The following TNR variants were observed in gnomAD, a reference collection of about 807,000 sequenced individuals.
TNR encodes tenascin R.
A neutral mutation model predicts 150.4 loss-of-function variants in TNR; 45 were observed. The observed-to-expected ratio is 0.30, with a 90% CI of 0.24 to 0.38. The LOEUF is 0.38. Among genes scored for constraint, TNR ranks in the 10% least tolerant of loss-of-function variants. TNR has a pLI of 1.00. For synonymous variants in TNR, 687 were observed against 678.4 expected, an observed-to-expected ratio of 1.01 and a Z score of -0.20; for missense variants, 1,544 against 1,759.1, an observed-to-expected ratio of 0.88 and a Z score of 2.19.
At chr1:175,463,133 GT>G (rs1046307690) in intron 2 of TNR, among the ~76,000 whole-genome samples, 37 of 152,116 alleles carry the variant, frequency 2.4e-4, no homozygotes, top group Admixed American at 1.6e-3. Context: ...TTCTATATCT[GT>G]TTTTACCCAC....
intron 1 of TNR, among the ~76,000 whole-genome samples, chr1:175,652,813 T>C (rs1261391685): frequency 6.6e-6 from 1 of 152,206 alleles, no homozygotes; most frequent in Non-Finnish European, 1.5e-5. Context: ...CTCAGGTAGT[T>C]CTTTATAGCA....
At chr1:175,533,621 C>G (rs890421841) in intron 1 of TNR, among the ~76,000 whole-genome samples, 6 of 152,156 alleles carry the variant, frequency 3.9e-5, no homozygotes, top group African/African-American at 1.4e-4. Flanking sequence ...AGTGGAGGTG[C>G]TGGTGTCTGG....
At chr1:175,424,325 G>C (rs1270587174) in intron 2 of TNR, among the ~76,000 whole-genome samples, 3 of 152,178 alleles carry the variant, frequency 2.0e-5, no homozygotes, top group African/African-American at 7.2e-5. Flanking sequence ...GCCTGGCCTG[G>C]CCAGGCAGTG....
intron 1 of TNR, among the ~76,000 whole-genome samples, chr1:175,590,284 A>T (rs2101837254): frequency 6.6e-6 from 1 of 152,342 alleles, no homozygotes; most frequent in South Asian, 2.1e-4. Flanking sequence ...TTAAATTTCT[A>T]AAAATGATAA....
chr1:175,662,872 T>C (rs1383068912), intron 1 of TNR, among the ~76,000 whole-genome samples: 1 of 152,196 alleles, frequency 6.6e-6, no homozygotes, highest in Non-Finnish European at 1.5e-5. Flanking sequence ...TGAACACTTA[T>C]AGTGCCTCAA....
intron 1 of TNR, among the ~76,000 whole-genome samples, chr1:175,700,310 A>G (rs1227150690): frequency 6.6e-6 from 1 of 152,156 alleles, no homozygotes; most frequent in Admixed American, 6.5e-5. Flanking sequence ...CCCATGGTCA[A>G]TTATGCTGCC....
intron 5 of TNR, among the ~76,000 whole-genome samples, chr1:175,395,824 A>G (rs1653400438): frequency 6.6e-6 from 1 of 152,190 alleles, no homozygotes; most frequent in Admixed American, 6.5e-5. Flanking sequence ...GTAATCTTTT[A>G]TATTTTTCTA....
chr1:175,452,550 C>A (rs1004709205), intron 2 of TNR, among the ~76,000 whole-genome samples: 4 of 152,200 alleles, frequency 2.6e-5, no homozygotes, highest in African/African-American at 9.6e-5. Context: ...CCCTCCCAGG[C>A]CATGCTTTGG....
chr1:175,519,267 A>G (rs1381193606), intron 2 of TNR, among the ~76,000 whole-genome samples: 1 of 152,254 alleles, frequency 6.6e-6, no homozygotes, highest in Non-Finnish European at 1.5e-5. Context: ...ACTGCAGTGC[A>G]TACCGGCATT....
chr1:175,527,918 T>C (rs1228797820), intron 2 of TNR, among the ~76,000 whole-genome samples: 4 of 152,212 alleles, frequency 2.6e-5, no homozygotes, highest in African/African-American at 7.2e-5. Context: ...GAATAATTTA[T>C]CACTGATTCA....
chr1:175,742,338 A>G (rs1667953906), intron 1 of TNR, among the ~76,000 whole-genome samples: 1 of 152,198 alleles, frequency 6.6e-6, no homozygotes, highest in African/African-American at 2.4e-5. Flanking sequence ...GTTTCTGCTC[A>G]CCCTAGACAT....
intron 2 of TNR, among the ~76,000 whole-genome samples, chr1:175,475,681 T>G (rs1333293051): frequency 6.6e-6 from 1 of 152,228 alleles, no homozygotes; most frequent in Non-Finnish European, 1.5e-5. Flanking sequence ...TATGTTCATC[T>G]TTCAAAATCC....
chr1:175,649,240 T>C (rs540295062), intron 1 of TNR, among the ~76,000 whole-genome samples: 12 of 152,306 alleles, frequency 7.9e-5, no homozygotes, highest in African/African-American at 2.6e-4. Flanking sequence ...TGATCTGCTG[T>C]TCCTTCTGCC....
chr1:175,445,194 T>G (rs1655987045), intron 2 of TNR, among the ~76,000 whole-genome samples: 1 of 152,026 alleles, frequency 6.6e-6, no homozygotes, highest in East Asian at 1.9e-4. Flanking sequence ...AGAGTGAACC[T>G]GGGAGGCGGA....
At chr1:175,740,459 G>T (rs150746652) in intron 1 of TNR, among the ~76,000 whole-genome samples, 1 of 151,950 alleles carries the variant, frequency 6.6e-6, no homozygotes, top group East Asian at 1.9e-4. Context: ...TAATAATGGC[G>T]CTTTCCAGGT....
chr1:175,343,006 G>T (rs1349809336), intron 18 of TNR, among the ~76,000 whole-genome samples: 2 of 152,160 alleles, frequency 1.3e-5, no homozygotes, highest in Non-Finnish European at 2.9e-5. Flanking sequence ...GCAAGGGAGG[G>T]CTGGGTCCTG....
chr1:175,533,705 GT>G (rs965015071), intron 1 of TNR, among the ~76,000 whole-genome samples: 3 of 152,188 alleles, frequency 2.0e-5, no homozygotes, highest in African/African-American at 4.8e-5. Flanking sequence ...GGGAGTTCAA[GT>G]TTTCCCAGAA....
chr1:175,411,796 T>C (rs574051660), intron 2 of TNR, among the ~76,000 whole-genome samples: 1 of 152,172 alleles, frequency 6.6e-6, no homozygotes, highest in South Asian at 2.1e-4. Context: ...AAGGTTACAT[T>C]CTGAGGTTCT....
rs1358244280 is a variant in TNR, at chr1:175,331,053, C to CT, written c.3632-819dup. On this transcript the variant is annotated intron_variant, in intron 20 of 22. Coordinates refer to ENST00000367674, the MANE Select transcript of TNR (RefSeq NM_003285.3). ...TCTTTCTTTCTTTCTTTCTTTCTTTCTTTCTTTCTTTCTTTCTTTCTTTCC... is the reference window on the plus strand; with the variant it reads ...TCTTTCTTTCTTTCTTTCTTTCTTTCTTTTCTTTCTTTCTTTCTTTCTTTCC... 4.3e-4 allele frequency among the ~76,000 whole-genome samples: 49 copies of CT among 113,310 alleles called. 1 individual carries two copies. The highest frequency in any genetic ancestry group is 1.4e-3 in the African/African-American group (42 of 29,336). 74.3% of individuals were successfully genotyped at this position (113,310 alleles called of 152,430 possible). A position where few individuals can be genotyped will look rare whatever the true frequency, so the allele number is the denominator to read the frequency against.
Sources: allele counts gnomAD v4.1 joint callset (sites outside exome capture counted in the v4.1 genomes callset), GRCh38; gene constraint gnomAD v4.1.1; transcripts MANE v1.5; gene names NCBI Gene and HGNC (gene_info 2026-07-23, HGNC 2026-07-21).